FALEC: variants seen among roughly 807,000 people sequenced by gnomAD.
FALEC encodes the protein focally amplified lncRNA regulator of ECM1.
the FALEC span, among the ~76,000 whole-genome samples, chr1:150,536,332 A>G: frequency 4.6e-5 from 7 of 152,200 alleles, no homozygotes; most frequent in Non-Finnish European, 7.3e-5. Flanking sequence ...GGACACATAA[A>G]TATGTGGAGA....
At chr1:150,525,076 C>G in the FALEC span, among the ~76,000 whole-genome samples, 2 of 151,094 alleles carry the variant, frequency 1.3e-5, no homozygotes, top group African/African-American at 4.9e-5. Flanking sequence ...GCAGGCGGAT[C>G]ACGAGGTCAG....
intron 1 of FALEC, among the ~76,000 whole-genome samples, chr1:150,516,892 G>A (rs587677925): frequency 7.0e-4 from 107 of 152,316 alleles, no homozygotes; most frequent in African/African-American, 2.5e-3. Flanking sequence ...AGCGTCTGTG[G>A]AGACTTGAAC....
chr1:150,525,979 G>T, the FALEC span, among the ~76,000 whole-genome samples: 1 of 152,088 alleles, frequency 6.6e-6, no homozygotes, highest in Non-Finnish European at 1.5e-5. Context: ...TCCATATGTG[G>T]TCTTTTTTGT....
chr1:150,533,251 G>T, the FALEC span, among the ~76,000 whole-genome samples: 1 of 152,172 alleles, frequency 6.6e-6, no homozygotes, highest in Non-Finnish European at 1.5e-5. Context: ...GCAGCAGAGG[G>T]CACCCGTGGG....
chr1:150,522,975 A>ATTTT (rs1560270879), downstream of FALEC, among the ~76,000 whole-genome samples: 4 of 28,848 alleles, frequency 1.4e-4, 1 homozygote, highest in East Asian at 1.2e-3. Context: ...ATATATATAT[A>ATTTT]TATATATATT....
chr1:150,533,137 AG>A, the FALEC span, among the ~76,000 whole-genome samples: 1 of 152,330 alleles, frequency 6.6e-6, no homozygotes, highest in African/African-American at 2.4e-5. Flanking sequence ...CCATGTCAAG[AG>A]TTTAGATTTC....
At chr1:150,522,854 T>TATACACATATATATAC (rs1670662674), downstream of FALEC, among the ~76,000 whole-genome samples, 1 of 95,972 alleles carries the variant, frequency 1.0e-5, no homozygotes. Context: ...TCTCTCTCTA[T>TATACACATATATATAC]ATATATATAT....
At chr1:150,532,505 G>A in the FALEC span, among the ~76,000 whole-genome samples, 20 of 152,196 alleles carry the variant, frequency 1.3e-4, no homozygotes, top group Admixed American at 1.3e-4. Context: ...TCTGGGAAAA[G>A]AGCAGGCCGG....
the FALEC span, among the ~76,000 whole-genome samples, chr1:150,532,567 CA>C: frequency 6.6e-6 from 1 of 152,100 alleles, no homozygotes; most frequent in Middle Eastern, 3.2e-3. Flanking sequence ...GAATGGGGGC[CA>C]GGGGTTGCCA....
At chr1:150,518,784 C>T (rs1409759926), downstream of FALEC, among the ~76,000 whole-genome samples, 1 of 152,078 alleles carries the variant, frequency 6.6e-6, no homozygotes, top group East Asian at 1.9e-4. Flanking sequence ...TGGCCGGGCG[C>T]TGTGGCTCAC....
At chr1:150,522,964 T>C (rs9725046), downstream of FALEC, among the ~76,000 whole-genome samples, 6 of 34,848 alleles carry the variant, frequency 1.7e-4, no homozygotes, top group Non-Finnish European at 1.8e-4. Context: ...TATATATATA[T>C]ATATATATAT....
At chr1:150,526,422 C>T in the FALEC span, among the ~76,000 whole-genome samples, 2 of 150,158 alleles carry the variant, frequency 1.3e-5, no homozygotes, top group East Asian at 3.9e-4. Flanking sequence ...TGGTCTCAAA[C>T]TCCTGGGCTC....
chr1:150,526,345 G>A, the FALEC span, among the ~76,000 whole-genome samples: 7 of 101,126 alleles, frequency 6.9e-5, no homozygotes, highest in East Asian at 2.5e-4. Context: ...GTGAAACTCC[G>A]TCTCAAAAAA....
At chr1:150,532,854 C>T in the FALEC span, among the ~76,000 whole-genome samples, 1 of 152,052 alleles carries the variant, frequency 6.6e-6, no homozygotes, top group Admixed American at 6.5e-5. Flanking sequence ...AAAAAGGGTG[C>T]TGGGGGGTGG....
exon 2 of FALEC, chr1:150,518,013 C>T (rs1670593270): frequency 6.6e-6 from 1 of 152,178 alleles, no homozygotes; most frequent in Non-Finnish European, 1.5e-5. Flanking sequence ...CAGCCTATTA[C>T]ACAGGACACT....
the FALEC span, among the ~76,000 whole-genome samples, chr1:150,536,458 T>C: frequency 5.9e-5 from 9 of 152,184 alleles, no homozygotes; most frequent in African/African-American, 2.2e-4. Context: ...AGGCACAGTT[T>C]CTTCACCTGT....
downstream of FALEC, among the ~76,000 whole-genome samples, chr1:150,522,935 GTGT>G (rs1670671160): frequency 7.6e-5 from 1 of 13,146 alleles, no homozygotes; most frequent in African/African-American, 3.5e-4. Context: ...ACATATATAT[GTGT>G]GTGTGTGTGT....
chr1:150,522,892 T>TATATATATATACATATATATAC (rs1560270687), downstream of FALEC, among the ~76,000 whole-genome samples: 1 of 73,844 alleles, frequency 1.4e-5, no homozygotes, highest in African/African-American at 5.1e-5. Context: ...TATATACGTA[T>TATATATATATACATATATATAC]ATATATATAT....
chr1:150,523,659 A>G, the FALEC span, among the ~76,000 whole-genome samples: 3 of 151,954 alleles, frequency 2.0e-5, no homozygotes, highest in South Asian at 6.3e-4. Flanking sequence ...GTCAAAAAAA[A>G]AAAAAAAAAA....
Sources: allele counts gnomAD v4.1 joint callset (sites outside exome capture counted in the v4.1 genomes callset), GRCh38; gene constraint gnomAD v4.1.1; transcripts MANE v1.5; gene names NCBI Gene and HGNC (gene_info 2026-07-23, HGNC 2026-07-21).